Variants in CSMD1 observed in about 807,000 individuals in gnomAD.
The protein encoded by CSMD1 is CUB and Sushi multiple domains 1, also known as CUB and sushi domain-containing protein 1.
Under a neutral mutation model 417.5 loss-of-function variants are expected in CSMD1, and 213 were observed. That is an observed-to-expected ratio of 0.51 (90% CI 0.46 to 0.57). The LOEUF is 0.57. Among genes scored for constraint, CSMD1 ranks in the 20% least tolerant of loss-of-function variants. CSMD1 has a pLI of 0.00. For missense variants in CSMD1, 6,923 were observed against 4,529.7 expected (o/e 1.53, Z -15.17); for synonymous variants, 2,862 against 1,736.8 (o/e 1.65, Z -16.11).
intron 3 of CSMD1, among the ~76,000 whole-genome samples, chr8:4,256,835 G>A (rs531166312): frequency 6.6e-6 from 1 of 152,200 alleles, no homozygotes; most frequent in African/African-American, 2.4e-5. Flanking sequence ...GCAAAGAACA[G>A]CTATCCCTCC....
intron 1 of CSMD1, among the ~76,000 whole-genome samples, chr8:4,943,750 G>C (rs1808181652): frequency 6.6e-6 from 1 of 152,110 alleles, no homozygotes; most frequent in Non-Finnish European, 1.5e-5. Flanking sequence ...GATAAGCAAA[G>C]GACTTTGGTA....
At chr8:3,285,223 T>C (rs372760720) in intron 25 of CSMD1, among the ~76,000 whole-genome samples, 1 of 152,188 alleles carries the variant, frequency 6.6e-6, no homozygotes, top group Non-Finnish European at 1.5e-5. Context: ...ACTGCTTTGT[T>C]TTGCATATAT....
chr8:4,942,374 T>C (rs1256764964), intron 1 of CSMD1, among the ~76,000 whole-genome samples: 2 of 152,226 alleles, frequency 1.3e-5, no homozygotes, highest in Non-Finnish European at 2.9e-5. Context: ...GTTTGATGTT[T>C]CTTTGCTGAG....
chr8:3,220,896 CTCT>C (rs1798169639), intron 28 of CSMD1, among the ~76,000 whole-genome samples: 3 of 152,268 alleles, frequency 2.0e-5, no homozygotes, highest in Admixed American at 2.0e-4. Flanking sequence ...TGCCCCTTCC[CTCT>C]TCTTCTCTAT....
chr8:4,674,833 T>C (rs1018824110), intron 1 of CSMD1, among the ~76,000 whole-genome samples: 3 of 151,634 alleles, frequency 2.0e-5, no homozygotes, highest in Non-Finnish European at 4.4e-5. Context: ...CAATGTGATA[T>C]CTGGAGGTGG....
chr8:3,559,202 G>C (rs143851446), intron 10 of CSMD1, among the ~76,000 whole-genome samples: 2 of 152,300 alleles, frequency 1.3e-5, no homozygotes, highest in East Asian at 1.9e-4. Context: ...TGGGCAATAA[G>C]TATCAATATT....
intron 3 of CSMD1, among the ~76,000 whole-genome samples, chr8:4,062,578 T>C (rs939218019): frequency 6.6e-6 from 1 of 151,080 alleles, no homozygotes; most frequent in African/African-American, 2.5e-5. Context: ...CCTATAAAAG[T>C]TTTCAGTGAT....
At chr8:3,347,343 G>C (rs80189819) in intron 22 of CSMD1, among the ~76,000 whole-genome samples, 3,607 of 152,252 alleles carry the variant, frequency 0.024, 75 homozygotes, top group East Asian at 0.081. Flanking sequence ...AGGACTCTTA[G>C]AAGTTAAGGG....
At chr8:4,008,330 T>C (rs1297211771) in intron 4 of CSMD1, among the ~76,000 whole-genome samples, 1 of 152,012 alleles carries the variant, frequency 6.6e-6, no homozygotes, top group Non-Finnish European at 1.5e-5. Flanking sequence ...GATCTATTAA[T>C]ATAATGGAAG....
intron 3 of CSMD1, among the ~76,000 whole-genome samples, chr8:4,156,437 G>C (rs1000183621): frequency 1.3e-5 from 2 of 152,094 alleles, no homozygotes; most frequent in Non-Finnish European, 2.9e-5. Context: ...AGAAAGAAAG[G>C]ATAAATATGC....
At chr8:4,140,107 C>G (rs1714806) in intron 3 of CSMD1, among the ~76,000 whole-genome samples, 26,519 of 150,920 alleles carry the variant, frequency 0.18, 3,043 homozygotes, top group East Asian at 0.32. Context: ...AGTCCTAACA[C>G]TTTTGGAGGT....
chr8:3,723,194 G>A (rs902658496), intron 6 of CSMD1, among the ~76,000 whole-genome samples: 1 of 152,150 alleles, frequency 6.6e-6, no homozygotes, highest in Non-Finnish European at 1.5e-5. Flanking sequence ...GGGGCACTCA[G>A]GGAAGCTTGT....
intron 2 of CSMD1, among the ~76,000 whole-genome samples, chr8:4,602,630 T>C (rs1217704639): frequency 6.6e-6 from 1 of 152,188 alleles, no homozygotes; most frequent in Non-Finnish European, 1.5e-5. Flanking sequence ...TTTGAAGGCG[T>C]ATTTTCTTAT....
At chr8:3,697,213 C>G (rs975536107) in intron 7 of CSMD1, among the ~76,000 whole-genome samples, 1 of 152,158 alleles carries the variant, frequency 6.6e-6, no homozygotes, top group East Asian at 1.9e-4. Flanking sequence ...AAACTTATTT[C>G]TCTCCAGAAA....
At chr8:3,359,063 C>A (rs561676503) in intron 21 of CSMD1, 89 bp downstream of exon 21, 4 of 1,278,440 alleles carry the variant, frequency 3.1e-6, no homozygotes, top group African/African-American at 1.5e-5. Context: ...GTCAACAAAC[C>A]CCCACCCGAC....
intron 6 of CSMD1, among the ~76,000 whole-genome samples, chr8:3,728,945 A>C (rs1310086884): frequency 6.6e-6 from 1 of 152,204 alleles, no homozygotes; most frequent in Non-Finnish European, 1.5e-5. Context: ...AAAATAATGC[A>C]AATGAGTGCC....
At chr8:3,085,772 C>T (rs999227652) in intron 49 of CSMD1, among the ~76,000 whole-genome samples, 8 of 152,168 alleles carry the variant, frequency 5.3e-5, no homozygotes, top group Admixed American at 4.6e-4. Context: ...GCCATGTCTC[C>T]ACCTCATAAT....
At chr8:4,579,650 T>A (rs1193696039) in intron 2 of CSMD1, among the ~76,000 whole-genome samples, 1 of 152,080 alleles carries the variant, frequency 6.6e-6, no homozygotes, top group African/African-American at 2.4e-5. Context: ...GTGTGAGCCA[T>A]CATGCCCGGC....
At chr8:3,330,427 G>C (rs896415292) in intron 23 of CSMD1, among the ~76,000 whole-genome samples, 2 of 152,206 alleles carry the variant, frequency 1.3e-5, no homozygotes, top group Admixed American at 6.5e-5. Context: ...AAAAAGGAAT[G>C]AGATCATGTC....
Sources: allele counts gnomAD v4.1 joint callset (sites outside exome capture counted in the v4.1 genomes callset), GRCh38; gene constraint gnomAD v4.1.1; transcripts MANE v1.5; gene names NCBI Gene and HGNC (gene_info 2026-07-23, HGNC 2026-07-21).